The following QSOX1 variants were observed in gnomAD, a reference collection of about 807,000 sequenced individuals.
The protein encoded by QSOX1 is quiescin sulfhydryl oxidase 1.
Under a neutral mutation model 76.1 loss-of-function variants are expected in QSOX1, and 40 were observed. The ratio of observed to expected loss-of-function variants is 0.53; its 90% CI spans 0.41 to 0.68. The LOEUF (loss-of-function observed/expected upper bound fraction) is 0.68. QSOX1 is among the 30% of genes least tolerant of loss of function. The pLI, the probability that QSOX1 is intolerant of heterozygous loss-of-function variation, is 0.00. For missense variants in QSOX1, 931 were observed against 974.3 expected (o/e 0.96, Z 0.59); for synonymous variants, 392 against 413.1 (o/e 0.95, Z 0.62).
Position 180,190,518 on chromosome 1 carries a change from T to C in QSOX1, c.1226T>C (p.Val409Ala), listed in dbSNP as rs1184856837. 1 of 1,614,090 alleles carries C rather than the reference T, an allele frequency of 6.2e-7. No homozygotes were observed. The highest frequency in any genetic ancestry group is 8.5e-7 in the Non-Finnish European group (1 of 1,179,978). Residue 409 changes from valine (V) to alanine (A), a missense_variant, in exon 10 of 12, where the codon GTC becomes GCC. Transcript: ENST00000367602. ...CGGGGCTTTCCCTGCTCCCTGTGGG[T>C]CCTCTTCCACTTCTTGACTGTGCAG... is the stretch of plus-strand genomic sequence containing the variant. ...HFRGFPCSLW[V>A]LFHFLTVQAA...
chr1:180,189,800 C>A lies in QSOX1; in HGVS notation c.1140+126C>A, dbSNP rs1572053397. The A allele has an allele frequency of 3.7e-6, 4 of 1,083,602 alleles. No homozygotes were observed. In the East Asian group the frequency reaches 7.8e-5, roughly 21 times the overall value. 67.1% of individuals were successfully genotyped at this position (1,083,602 alleles called of 1,614,324 possible). A position where few individuals can be genotyped will look rare whatever the true frequency, so the allele number is the denominator to read the frequency against. ...AGGGAGTCAGTGATCTTCGTTGGGT[C>A]CTAACAATAATCAATAAATGACTAT... On this transcript the variant is annotated intron_variant, in intron 9 of 11. Transcript: ENST00000367602.
In QSOX1 at chr1:180,196,734, A is replaced by G. The variant is rs759071935; in HGVS notation, c.1941A>G (p.Thr647=). 4 of 1,613,962 alleles carry G rather than the reference A, an allele frequency of 2.5e-6. No individual in the cohort carries two copies. Among genetic ancestry groups the G allele is most frequent in the Non-Finnish European group, 3.4e-6 (4 of 1,180,012 alleles). Residue 647 remains threonine, a synonymous_variant, in exon 12 of 12, where the codon ACA becomes ACG. Transcript: ENST00000367602. The surrounding 1 kb of genome is among the most constrained non-coding windows in gnomAD (Gnocchi z 4.1). The stretch of plus-strand genomic sequence containing the variant: ...AGTGGCACTTGAGCAAGCGAGACAC[A>G]GGGGCTGCATTGCTGGCTGAGTCCA... ...LGQWHLSKRD[T]GAALLAESRA...
intron 7 of QSOX1, 106 bp downstream of exon 7, chr1:180,184,156 A>T (rs1173820928): frequency 4.1e-5 from 58 of 1,409,216 alleles, no homozygotes; most frequent in Non-Finnish European, 5.4e-5. Flanking sequence ...TTGTCATATG[A>T]TTAGTGTGTA....
At chr1:180,179,701 G>A (rs1448969345) in intron 5 of QSOX1, among the ~76,000 whole-genome samples, 2 of 152,258 alleles carry the variant, frequency 1.3e-5, no homozygotes, top group Non-Finnish European at 2.9e-5. Flanking sequence ...CAGGGAGACA[G>A]GCATGAGAGT....
intron 10 of QSOX1, among the ~76,000 whole-genome samples, chr1:180,191,050 G>A (rs1404497535): frequency 6.6e-5 from 10 of 152,144 alleles, no homozygotes; most frequent in Non-Finnish European, 7.4e-5. Context: ...GGGGAAACAC[G>A]TTTCCCCTGC....
chr1:180,194,338 G>C lies in QSOX1; in HGVS notation c.1414G>C (p.Ala472Pro). 1 of 1,604,498 alleles carries C rather than the reference G, an allele frequency of 6.2e-7. No individual in the cohort carries two copies. The highest frequency in any genetic ancestry group is 8.5e-7 in the Non-Finnish European group (1 of 1,173,836). Reference protein sequence around the residue: ...ASMHRVGSPNAAVLWLWSSHN... With the variant: ...ASMHRVGSPNPAVLWLWSSHN... Reference sequence around the variant, plus strand: ...CATGCACCGGGTGGGGAGTCCCAACGCCGCTGTCCTCTGGCTCTGGTCTAG... The same window carrying C: ...CATGCACCGGGTGGGGAGTCCCAACCCCGCTGTCCTCTGGCTCTGGTCTAG... Residue 472 changes from alanine (A) to proline (P), a missense_variant, in exon 11 of 12, where the codon GCC (alanine) becomes CCC (proline). Ala to Pro is a conservative substitution (Grantham distance 27). Transcript: ENST00000367602.
chr1:180,169,561 G>A (rs1292829093), intron 2 of QSOX1, among the ~76,000 whole-genome samples: 1 of 152,252 alleles, frequency 6.6e-6, no homozygotes, highest in East Asian at 1.9e-4. Context: ...CAAGTGTGAA[G>A]TGAGGTCTCC....
At chr1:180,160,329 C>T (rs1662465830) in intron 1 of QSOX1, among the ~76,000 whole-genome samples, 1 of 151,438 alleles carries the variant, frequency 6.6e-6, no homozygotes, top group Admixed American at 6.6e-5. Context: ...AGCAATTGCA[C>T]AGATTCCCTG....
At chr1:180,169,959 T>C (rs1214344354) in intron 2 of QSOX1, among the ~76,000 whole-genome samples, 1 of 152,050 alleles carries the variant, frequency 6.6e-6, no homozygotes, top group Non-Finnish European at 1.5e-5. Flanking sequence ...GGGGTTTGGC[T>C]GGGAGAGAGG....
intron 10 of QSOX1, among the ~76,000 whole-genome samples, chr1:180,193,364 C>T (rs1663366960): frequency 6.6e-6 from 1 of 151,574 alleles, no homozygotes; most frequent in Non-Finnish European, 1.5e-5. Flanking sequence ...TGCAGAAGAA[C>T]AAGCTGAGAA....
At position 180,161,638 on chromosome 1, in the gene QSOX1, A is replaced by C. The variant is rs74132556; in HGVS notation, c.266-4853A>C. ...TTTGTTCACAAGAGTATACTTACCA[A>C]ATTGCTGTAAACTATAGATAGCTTA... On this transcript the variant is annotated intron_variant, in intron 1 of 11. Coordinates refer to ENST00000367602, the MANE Select transcript of QSOX1 (RefSeq NM_002826.5). Among the ~76,000 whole-genome samples the C allele has an allele frequency of 4.3e-3, 651 of 152,312 alleles. 3 individuals carry two copies. The highest frequency in any genetic ancestry group is 0.014 in the African/African-American group (600 of 41,570).
Position 180,175,958 on chromosome 1 carries a change from G to A in QSOX1, c.440G>A (p.Arg147Gln), listed in dbSNP as rs776298447. Residue 147 changes from arginine (R) to glutamine (Q), a missense_variant, in exon 4 of 12, where the codon CGG becomes CAG. Physicochemically the swap from Arg to Gln is conservative, Grantham distance 43. Transcript: ENST00000367602. ...GCTGGTGCTGACGTGCAGACACTGC[G>A]GGAGAGGCTCATTGACGCCCTGGAG... ...PVAGADVQTL[R>Q]ERLIDALESH... 28 of 1,599,690 alleles carry A rather than the reference G, an allele frequency of 1.8e-5. No individual in the cohort carries two copies. In the South Asian group the frequency reaches 2.0e-4, roughly 12 times the overall value.
chr1:180,190,349 G>C, intron 9 of QSOX1, 84 bp from the exon 10 acceptor site: 2 of 1,465,850 alleles, frequency 1.4e-6, no homozygotes, highest in Non-Finnish European at 1.9e-6. Flanking sequence ...ATTTGTCTTA[G>C]GGCTGTCTCC....
chr1:180,166,419 C>A, intron 1 of QSOX1, 72 bp from the exon 2 acceptor site: 1 of 1,242,568 alleles, frequency 8.0e-7, no homozygotes. Context: ...TGAGGCATTG[C>A]ATTAGGGGAG....
In QSOX1 at chr1:180,193,793, C is replaced by T. The variant is rs143300767; in HGVS notation, c.1289-420C>T. Among the ~76,000 whole-genome samples, 20 of 152,134 alleles carry T rather than the reference C, an allele frequency of 1.3e-4. No individual in the cohort carries two copies. The South Asian group carries it at 2.7e-3, about 20-fold the overall frequency. ...CCAGGTCCAGGCCCGAGGGAGGTGACGCATGGTGGAAGCAAGTCGGACAGG... is the reference window on the plus strand; with the variant it reads ...CCAGGTCCAGGCCCGAGGGAGGTGATGCATGGTGGAAGCAAGTCGGACAGG... On this transcript the variant is annotated intron_variant, in intron 10 of 11. Coordinates refer to ENST00000367602, the MANE Select transcript of QSOX1 (RefSeq NM_002826.5).
In QSOX1 at chr1:180,164,120, G is replaced by A. The variant is rs540873747; in HGVS notation, c.266-2371G>A. Among the ~76,000 whole-genome samples, 77 of 152,310 alleles carry A rather than the reference G, an allele frequency of 5.1e-4. No individual in the cohort carries two copies. In the South Asian group the frequency reaches 0.011, roughly 23 times the overall value. On this transcript the variant is annotated intron_variant, in intron 1 of 11. Transcript: ENST00000367602. ...TCAGCAATCCCCTGGTAGGGGCAGAGGGATTGCATCCTGGGCCTGGCATGC... is the reference window on the plus strand; with the variant it reads ...TCAGCAATCCCCTGGTAGGGGCAGAAGGATTGCATCCTGGGCCTGGCATGC...
chr1:180,193,727 G>A (rs1297008902), intron 10 of QSOX1, among the ~76,000 whole-genome samples: 2 of 152,122 alleles, frequency 1.3e-5, no homozygotes, highest in Middle Eastern at 3.4e-3. Context: ...GAAGGGGAGA[G>A]CGAGGAGAGA....
At position 180,196,794 on chromosome 1, in the gene QSOX1, G is replaced by A. The variant is rs149501389; in HGVS notation, c.2001G>A (p.Glu667=). The A allele has an allele frequency of 2.4e-5, 38 of 1,613,724 alleles. No individual in the cohort carries two copies. Among genetic ancestry groups the A allele is most frequent in the African/African-American group, 8.0e-5 (6 of 74,934 alleles). The part of the protein sequence containing the change: ...AEKNRLWGPL[E]VRRVGRSSKQ... Reference sequence around the variant, plus strand: ...AGAACCGCCTCTGGGGCCCTTTGGAGGTCAGGCGCGTGGGCCGCAGCTCCA... The same window carrying A: ...AGAACCGCCTCTGGGGCCCTTTGGAAGTCAGGCGCGTGGGCCGCAGCTCCA... Residue 667 remains glutamate (E), a synonymous_variant, in exon 12 of 12, where the codon GAG becomes GAA. Transcript: ENST00000367602. This position sits in a 1 kb window ranked among gnomAD's most constrained non-coding sequence, Gnocchi z 4.1.
At position 180,197,979 on chromosome 1, in the gene QSOX1, C is replaced by T. The variant is rs1235088436; in HGVS notation, c.*942C>T. ...GCAGTGCCTTACACATGCTTGATTC[C>T]CACGCTACCCCCTGCCTTGGGAGGT... On this transcript the variant is annotated 3_prime_UTR_variant, in exon 12 of 12. Coordinates refer to ENST00000367602, the MANE Select transcript of QSOX1 (RefSeq NM_002826.5). 3 of 356,266 alleles carry T rather than the reference C, an allele frequency of 8.4e-6. No individual in the cohort carries two copies. Among genetic ancestry groups the T allele is most frequent in the Non-Finnish European group, 1.7e-5 (3 of 177,292 alleles). 22.1% of individuals were successfully genotyped at this position (356,266 alleles called of 1,614,324 possible).
Sources: gnomAD v4.1 joint callset for allele counts (sites outside exome capture counted in the v4.1 genomes callset) on GRCh38, gnomAD v4.1.1 for gene constraint, Gnocchi (gnomAD v3.1) non-coding constraint, MANE v1.5 for transcripts, NCBI Gene and HGNC (gene_info 2026-07-23, HGNC 2026-07-21) for gene names.